FRMD5: variants seen among roughly 807,000 people sequenced by gnomAD.
FRMD5 encodes the protein FERM domain containing 5, also known as FERM domain-containing protein 5.
A neutral mutation model predicts 69.0 loss-of-function variants in FRMD5; 20 were observed. The ratio of observed to expected loss-of-function variants is 0.29; its 90% CI spans 0.20 to 0.42. The LOEUF is 0.42. FRMD5 is among the 10% of genes least tolerant of loss of function. The pLI, the probability that FRMD5 is intolerant of heterozygous loss-of-function variation, is 1.00. For synonymous variants in FRMD5, 271 were observed against 260.1 expected, an observed-to-expected ratio of 1.04 and a Z score of -0.40; for missense variants, 595 against 708.6, an observed-to-expected ratio of 0.84 and a Z score of 1.82.
chr15:43,990,150 T>C (rs1889603345), intron 1 of FRMD5: 1 of 588,854 alleles, frequency 1.7e-6, no homozygotes, highest in Non-Finnish European at 3.2e-6. Context: ...GCCAGAGCCA[T>C]TGTCGACGAC....
At chr15:43,958,150 A>G (rs1021915888) in intron 1 of FRMD5, among the ~76,000 whole-genome samples, 5 of 152,196 alleles carry the variant, frequency 3.3e-5, no homozygotes, top group African/African-American at 1.2e-4. Flanking sequence ...ACTAAATGTC[A>G]TTCCAAATAA....
intron 4 of FRMD5, among the ~76,000 whole-genome samples, chr15:43,911,146 A>T (rs762047513): frequency 6.6e-6 from 1 of 152,214 alleles, no homozygotes; most frequent in Non-Finnish European, 1.5e-5. Context: ...TGGGTCACCT[A>T]CCATGGTGGC....
At chr15:44,040,757 C>A (rs1401886205) in intron 1 of FRMD5, among the ~76,000 whole-genome samples, 1 of 151,982 alleles carries the variant, frequency 6.6e-6, no homozygotes, top group African/African-American at 2.4e-5. Flanking sequence ...ACTGCATCAA[C>A]TAACAGGTAA....
At chr15:43,897,150 C>T (rs548088677) in intron 7 of FRMD5, among the ~76,000 whole-genome samples, 7 of 151,998 alleles carry the variant, frequency 4.6e-5, no homozygotes, top group Non-Finnish European at 7.4e-5. Context: ...TGGGCCCACC[C>T]AAGGGTGGGA....
At chr15:43,910,054 C>A in intron 4 of FRMD5, 75 bp from the exon 5 acceptor site, 1 of 777,132 alleles carries the variant, frequency 1.3e-6, no homozygotes, top group Non-Finnish European at 2.1e-6. Context: ...TATTGTAAGC[C>A]TATCAAAATC....
chr15:44,068,285 G>A lies in FRMD5; in HGVS notation c.102+126668C>T, dbSNP rs557535003. On this transcript the variant is annotated intron_variant, in intron 1 of 13. Transcript: ENST00000417257. ...AAAACATATAGCCACACAAACTTGCGCACAAATGTTCATAGCAGCATTATA... is the reference window on the plus strand; with the variant it reads ...AAAACATATAGCCACACAAACTTGCACACAAATGTTCATAGCAGCATTATA... Among the ~76,000 whole-genome samples the A allele has an allele frequency of 1.9e-4, 29 of 152,178 alleles. No individual in the cohort carries two copies. In the South Asian group the frequency reaches 4.2e-3, roughly 22 times the overall value.
At chr15:43,890,082 C>G (rs1294857840) in intron 8 of FRMD5, among the ~76,000 whole-genome samples, 1 of 152,146 alleles carries the variant, frequency 6.6e-6, no homozygotes, top group Non-Finnish European at 1.5e-5. Context: ...TGAGCTAACA[C>G]AAGTCACACG....
At chr15:44,022,939 T>TTAC (rs1222679569) in intron 1 of FRMD5, among the ~76,000 whole-genome samples, 1 of 152,120 alleles carries the variant, frequency 6.6e-6, no homozygotes, top group African/African-American at 2.4e-5. Context: ...TGGCTTCAGG[T>TTAC]AGATCAGAAA....
intron 4 of FRMD5, among the ~76,000 whole-genome samples, chr15:43,912,191 G>A (rs1566830820): frequency 6.6e-6 from 1 of 152,270 alleles, no homozygotes; most frequent in East Asian, 1.9e-4. Context: ...CAGCAGGATG[G>A]ACTGCCTTCC....
chr15:44,135,566 G>T (rs972826127), intron 1 of FRMD5, among the ~76,000 whole-genome samples: 1 of 152,084 alleles, frequency 6.6e-6, no homozygotes, highest in South Asian at 2.1e-4. Context: ...GGTGGCTCAC[G>T]CCTGTAATTC....
At chr15:44,110,059 T>C (rs1438327910) in intron 1 of FRMD5, among the ~76,000 whole-genome samples, 1 of 152,212 alleles carries the variant, frequency 6.6e-6, no homozygotes, top group Non-Finnish European at 1.5e-5. Flanking sequence ...TACTGTAAAT[T>C]TTTTGTATGT....
intron 1 of FRMD5, among the ~76,000 whole-genome samples, chr15:44,057,693 C>A (rs2140367777): frequency 6.6e-6 from 1 of 152,242 alleles, no homozygotes; most frequent in Admixed American, 6.5e-5. Flanking sequence ...AAGTAAAGAA[C>A]CTTGGATTAG....
chr15:44,187,549 C>A (rs890717809), intron 1 of FRMD5, among the ~76,000 whole-genome samples: 7 of 146,548 alleles, frequency 4.8e-5, no homozygotes, highest in African/African-American at 1.8e-4. Flanking sequence ...CATCCCCATG[C>A]CATTTTTGCT....
chr15:43,994,314 C>T (rs1009676760), intron 1 of FRMD5, among the ~76,000 whole-genome samples: 2 of 152,184 alleles, frequency 1.3e-5, no homozygotes, highest in Middle Eastern at 3.2e-3. Context: ...CCATTTTAAA[C>T]TGGTAACAAC....
chr15:43,883,576 A>G (rs2088589787), intron 13 of FRMD5, 127 bp downstream of exon 13: 4 of 666,194 alleles, frequency 6.0e-6, no homozygotes, highest in Non-Finnish European at 1.1e-5. Context: ...AAAACCTCCT[A>G]CTTGCCACTG....
chr15:44,144,382 G>T (rs2140454123), intron 1 of FRMD5, among the ~76,000 whole-genome samples: 1 of 152,278 alleles, frequency 6.6e-6, no homozygotes, highest in African/African-American at 2.4e-5. Context: ...TATCCACTGG[G>T]TGACAGCTAG....
rs34063043 is a variant in FRMD5, at chr15:43,875,804, G to GTTTTTTTTTT, written c.1136-1352_1136-1343dup. The GTTTTTTTTTT allele has an allele frequency of 4.4e-4, 93 of 210,624 alleles. 3 individuals are homozygous for GTTTTTTTTTT. Among genetic ancestry groups the GTTTTTTTTTT allele is most frequent in the African/African-American group, 1.4e-3 (29 of 20,960 alleles). 13.0% of individuals were successfully genotyped at this position (210,624 alleles called of 1,614,324 possible). ...TCTTGCCTTTGGTGTCCTGGGCCTA[G>GTTTTTTTTTT]TTTTTTTTTTTTTTTTTTTTTTTCT... is the stretch of plus-strand genomic sequence containing the variant. On this transcript the variant is annotated intron_variant, in intron 13 of 13. Transcript: ENST00000417257.
At chr15:44,170,719 T>C (rs983854818) in intron 1 of FRMD5, among the ~76,000 whole-genome samples, 24 of 152,160 alleles carry the variant, frequency 1.6e-4, no homozygotes, top group African/African-American at 5.8e-4. Flanking sequence ...CAGCCACTTT[T>C]GATGGAGTTT....
At chr15:43,885,601 C>G (rs1218455640) in intron 11 of FRMD5, 80 bp downstream of exon 11, 3 of 1,219,994 alleles carry the variant, frequency 2.5e-6, no homozygotes, top group Non-Finnish European at 3.7e-6. Flanking sequence ...TTTCTCTGTT[C>G]TAAAGGATAA....
Sources: gnomAD v4.1 joint callset for allele counts (sites outside exome capture counted in the v4.1 genomes callset) on GRCh38, gnomAD v4.1.1 for gene constraint, MANE v1.5 for transcripts, NCBI Gene and HGNC (gene_info 2026-07-23, HGNC 2026-07-21) for gene names.